The following ADCY8 variants were observed in gnomAD, a reference collection of about 807,000 sequenced individuals.
The protein encoded by ADCY8 is adenylate cyclase type 8.
Under a neutral mutation model 119.7 loss-of-function variants are expected in ADCY8, and 51 were observed. That is an observed-to-expected ratio of 0.43 (90% CI 0.34 to 0.54). The LOEUF (loss-of-function observed/expected upper bound fraction) is 0.54, where lower values mean the gene tolerates loss of function less well. Ranked by LOEUF, ADCY8 falls within the 20% of genes least tolerant of loss-of-function variation. ADCY8 has a pLI of 0.03. For synonymous variants in ADCY8, 665 were observed against 651.0 expected, an observed-to-expected ratio of 1.02 and a Z score of -0.33; for missense variants, 1,383 against 1,598.8, an observed-to-expected ratio of 0.87 and a Z score of 2.30.
intron 8 of ADCY8, among the ~76,000 whole-genome samples, chr8:130,884,103 G>A (rs1251561017): frequency 6.6e-6 from 1 of 152,212 alleles, no homozygotes; most frequent in Admixed American, 6.5e-5. Flanking sequence ...GCAGACAACT[G>A]GGGAAAGGGG....
intron 12 of ADCY8, among the ~76,000 whole-genome samples, chr8:130,825,608 G>T (rs1816646328): frequency 6.6e-6 from 1 of 152,154 alleles, no homozygotes; most frequent in South Asian, 2.1e-4. Context: ...CTGTTTTAAG[G>T]CTGGGCCTAG....
intron 9 of ADCY8, among the ~76,000 whole-genome samples, chr8:130,865,759 T>G (rs1818095925): frequency 6.6e-6 from 1 of 152,154 alleles, no homozygotes; most frequent in Non-Finnish European, 1.5e-5. Flanking sequence ...CCTTCCCACT[T>G]TAACCTGTAT....
intron 1 of ADCY8, among the ~76,000 whole-genome samples, chr8:131,034,521 A>C (rs542032785): frequency 6.6e-6 from 1 of 152,274 alleles, no homozygotes; most frequent in African/African-American, 2.4e-5. Context: ...CCTCATTGTA[A>C]GTCAAGTTTA....
Position 130,802,170 on chromosome 8 carries a change from GTCTACTGCATTGCTC to G in ADCY8, c.2914-1613_2914-1599del, listed in dbSNP as rs770026549. 1.6e-3 allele frequency among the ~76,000 whole-genome samples: 237 copies of G among 152,192 alleles called. 1 individual carries two copies. Among genetic ancestry groups the G allele is most frequent in the African/African-American group, 5.1e-3 (212 of 41,536 alleles). The stretch of plus-strand genomic sequence containing the variant: ...GCATCTTCTCTCCAACTAAGCCTGT[GTCTACTGCATTGCTC>G]TCTAATTCACTTGGTGGCACCAGCA... On this transcript the variant is annotated intron_variant, in intron 14 of 17. Transcript: ENST00000286355.
At chr8:130,969,384 C>T (rs1004382426) in intron 2 of ADCY8, among the ~76,000 whole-genome samples, 1 of 152,140 alleles carries the variant, frequency 6.6e-6, no homozygotes, top group Non-Finnish European at 1.5e-5. Context: ...ACTGAATGCA[C>T]CAATTCCTTA....
chr8:130,900,547 T>G (rs747401358), intron 7 of ADCY8, among the ~76,000 whole-genome samples: 5 of 152,214 alleles, frequency 3.3e-5, no homozygotes, highest in Non-Finnish European at 5.9e-5. Context: ...TTCATCTTCC[T>G]GGGCCTCTTG....
At position 130,890,079 on chromosome 8, in the gene ADCY8, T is replaced by C. The variant is rs182866575; in HGVS notation, c.1912-5318A>G. The stretch of plus-strand genomic sequence containing the variant: ...GCACCTGGTATATCTGCTAGGTTCA[T>C]AATAAGTGTATATGAAAGGAAGGAA... On this transcript the variant is annotated intron_variant, in intron 7 of 17. Transcript: ENST00000286355. Among the ~76,000 whole-genome samples, 130 of 152,088 alleles carry C rather than the reference T, an allele frequency of 8.5e-4. 1 individual carries two copies. Among genetic ancestry groups the C allele is most frequent in the Non-Finnish European group, 2.5e-4 (17 of 67,962 alleles).
intron 1 of ADCY8, among the ~76,000 whole-genome samples, chr8:131,033,822 A>C (rs1824066913): frequency 6.6e-6 from 1 of 151,962 alleles, no homozygotes; most frequent in South Asian, 2.1e-4. Flanking sequence ...AAAAATAGAA[A>C]GAAAGAAAAA....
chr8:130,958,161 G>A (rs1050783732), intron 2 of ADCY8, among the ~76,000 whole-genome samples: 2 of 152,170 alleles, frequency 1.3e-5, no homozygotes, highest in African/African-American at 4.8e-5. Context: ...ATAATCCCTT[G>A]GGAGGACCCA....
intron 2 of ADCY8, among the ~76,000 whole-genome samples, chr8:130,953,681 G>A (rs1821341222): frequency 6.6e-6 from 1 of 152,118 alleles, no homozygotes; most frequent in African/African-American, 2.4e-5. Flanking sequence ...AATATTAATA[G>A]CAATAATATC....
At chr8:130,781,298 G>A (rs1815071851) in intron 17 of ADCY8, among the ~76,000 whole-genome samples, 1 of 152,148 alleles carries the variant, frequency 6.6e-6, no homozygotes, top group Admixed American at 6.5e-5. Context: ...GCCTGCACAG[G>A]CCTTTTCCCT....
chr8:130,964,628 G>C (rs1253510142), intron 2 of ADCY8, among the ~76,000 whole-genome samples: 1 of 152,180 alleles, frequency 6.6e-6, no homozygotes, highest in African/African-American at 2.4e-5. Context: ...AAGTCACTCT[G>C]ATAATTTTGA....
At position 131,040,345 on chromosome 8, in the gene ADCY8, G is replaced by T. The variant is rs745470223; in HGVS notation, c.-12C>A. On this transcript the variant is annotated 5_prime_UTR_variant, in exon 1 of 18. Transcript: ENST00000286355. ...TCGGAGAGCTCCATGGCTCTGGGCC[G>T]CAGGGAAGGAGGCCCAGAACCTTGG... The T allele has an allele frequency of 1.4e-6, 2 of 1,476,418 alleles. No homozygotes were observed. Among genetic ancestry groups the T allele is most frequent in the Admixed American group, 2.4e-5 (1 of 41,518 alleles). The allele number at this position is 1,476,418 out of a possible 1,614,324, so 91.5% of individuals were successfully genotyped here.
intron 12 of ADCY8, among the ~76,000 whole-genome samples, chr8:130,826,682 A>G (rs1184035695): frequency 1.3e-5 from 2 of 149,904 alleles, no homozygotes; most frequent in Non-Finnish European, 3.0e-5. Context: ...CAGCCTGGAG[A>G]CCTCTGAGAA....
At chr8:130,895,567 A>C (rs1171002654) in intron 7 of ADCY8, among the ~76,000 whole-genome samples, 1 of 152,132 alleles carries the variant, frequency 6.6e-6, no homozygotes, top group Non-Finnish European at 1.5e-5. Context: ...AGAGTGAAAA[A>C]GCAGACCCCA....
At position 131,039,820 on chromosome 8, in the gene ADCY8, G is replaced by T. The variant is rs1159983311; in HGVS notation, c.514C>A (p.Arg172Ser). The T allele has an allele frequency of 3.1e-6, 5 of 1,614,200 alleles. No homozygotes were observed. Among genetic ancestry groups the T allele is most frequent in the East Asian group, 2.2e-5 (1 of 44,878 alleles). The change falls in exon 1 of 18, where the codon CGC (arginine) becomes AGC (serine). Residue 172 changes from arginine to serine, a missense_variant. Physicochemically the swap from Arg to Ser is moderately radical, Grantham distance 110 (BLOSUM62 -1). This residue lies in a region of ADCY8 where 455 missense variants were observed against 435.3 expected (regional missense o/e 1.05). Coordinates refer to ENST00000286355, the MANE Select transcript of ADCY8 (RefSeq NM_001115.3). ...TTGCGCCTTTGGCCCAAGAAATAGC[G>T]CTGGTAGAGGCGTTCCAAATCCCGA... The part of the protein sequence containing the change: ...KSRDLERLYQ[R>S]YFLGQRRKSE...
chr8:130,823,337 G>T (rs1171326023), intron 12 of ADCY8, among the ~76,000 whole-genome samples: 1 of 152,172 alleles, frequency 6.6e-6, no homozygotes, highest in Non-Finnish European at 1.5e-5. Flanking sequence ...CAGCCAGGCT[G>T]AGGAGCATCA....
intron 15 of ADCY8, among the ~76,000 whole-genome samples, chr8:130,796,581 A>G (rs900508432): frequency 6.6e-6 from 1 of 152,236 alleles, no homozygotes; most frequent in South Asian, 2.1e-4. Context: ...GGCAGAATCT[A>G]GAGGACCTCT....
At chr8:130,829,487 G>GTCCT (rs150098319) in intron 12 of ADCY8, among the ~76,000 whole-genome samples, 8,735 of 152,164 alleles carry the variant, frequency 0.057, 392 homozygotes, top group East Asian at 0.23. Context: ...TTTTATGTAA[G>GTCCT]AAAGGATCTT....
Sources: allele counts gnomAD v4.1 joint callset (sites outside exome capture counted in the v4.1 genomes callset), GRCh38; gene constraint gnomAD v4.1.1; regional missense constraint gnomAD v4.1.1; transcripts MANE v1.5; gene names NCBI Gene and HGNC (gene_info 2026-07-23, HGNC 2026-07-21).